The following CALCR variants were observed in gnomAD, a reference collection of about 807,000 sequenced individuals.
The protein encoded by CALCR is calcitonin receptor.
Under a neutral mutation model 59.5 loss-of-function variants are expected in CALCR, and 47 were observed. That is an observed-to-expected ratio of 0.79 (90% CI 0.63 to 1.01). The LOEUF (loss-of-function observed/expected upper bound fraction) is 1.01. Among genes scored for constraint, CALCR ranks in the 50% least tolerant of loss-of-function variants. CALCR has a pLI of 0.00. For missense variants in CALCR, 566 were observed against 597.1 expected, an observed-to-expected ratio of 0.95 and a Z score of 0.54; for synonymous variants, 213 against 211.3, an observed-to-expected ratio of 1.01 and a Z score of -0.07.
intron 8 of CALCR, among the ~76,000 whole-genome samples, chr7:93,453,805 G>A (rs1800155742): frequency 6.6e-6 from 1 of 151,964 alleles, no homozygotes; most frequent in Non-Finnish European, 1.5e-5. Flanking sequence ...AAATCCGTAT[G>A]AGAAAGCATC....
At chr7:93,479,660 C>T (rs1302293569) in intron 3 of CALCR, among the ~76,000 whole-genome samples, 153 bp from the exon 4 acceptor site, 1 of 151,740 alleles carries the variant, frequency 6.6e-6, no homozygotes, top group East Asian at 1.9e-4. Flanking sequence ...ATATATATTA[C>T]AAAAAATGTT....
chr7:93,523,544 T>G (rs1801809097), intron 2 of CALCR, among the ~76,000 whole-genome samples: 1 of 152,166 alleles, frequency 6.6e-6, no homozygotes, highest in Non-Finnish European at 1.5e-5. Context: ...TCTTCTGACT[T>G]TTATTTAGGT....
At chr7:93,461,430 A>C in intron 7 of CALCR, among the ~76,000 whole-genome samples, 1 of 152,110 alleles carries the variant, frequency 6.6e-6, no homozygotes, top group South Asian at 2.1e-4. Context: ...GCATACACAC[A>C]CTTCACGTCT....
At chr7:93,493,241 T>C (rs1225757369) in intron 2 of CALCR, among the ~76,000 whole-genome samples, 2 of 151,358 alleles carry the variant, frequency 1.3e-5, no homozygotes, top group African/African-American at 2.4e-5. Context: ...AAATAAAACA[T>C]GGAATTCTGA....
chr7:93,554,225 A>G (rs1479796862), intron 2 of CALCR, among the ~76,000 whole-genome samples: 1 of 152,178 alleles, frequency 6.6e-6, no homozygotes, highest in Non-Finnish European at 1.5e-5. Context: ...CATCATGAAA[A>G]TTAGTGTATA....
At chr7:93,441,412 T>C in intron 9 of CALCR, 1 of 392,564 alleles carries the variant, frequency 2.5e-6, no homozygotes, top group South Asian at 1.9e-5. Context: ...ATGATCAGAA[T>C]TGCCATTGCA....
At chr7:93,556,742 G>T (rs376151270) in intron 2 of CALCR, among the ~76,000 whole-genome samples, 70 of 151,858 alleles carry the variant, frequency 4.6e-4, no homozygotes, top group African/African-American at 1.6e-3. Flanking sequence ...AGTACATATA[G>T]ATCTGCCTCA....
chr7:93,533,204 A>C (rs1788893613), intron 2 of CALCR, among the ~76,000 whole-genome samples: 1 of 151,976 alleles, frequency 6.6e-6, no homozygotes, highest in African/African-American at 2.4e-5. Context: ...TTAAAGTCAC[A>C]GTTACCAAGA....
intron 6 of CALCR, among the ~76,000 whole-genome samples, chr7:93,470,812 A>T (rs1379026181): frequency 2.0e-5 from 3 of 151,604 alleles, no homozygotes; most frequent in Non-Finnish European, 2.9e-5. Flanking sequence ...TTTAGGGTAC[A>T]TGTGCACAAT....
At position 93,425,056 on chromosome 7, in the gene CALCR, T is replaced by C. The variant is rs556410986; in HGVS notation, c.*1300A>G. ...AGCATACAAATTAAATAATGGTAAC[T>C]CTGATTACTGTTGCAAATTCACAAA... On this transcript the variant is annotated 3_prime_UTR_variant, in exon 14 of 14. Transcript: ENST00000426151. 2.0e-5 allele frequency: 3 copies of C among 152,724 alleles called. No individual in the cohort carries two copies. Among genetic ancestry groups the C allele is most frequent in the African/African-American group, 7.2e-5 (3 of 41,578 alleles). The allele number at this position is 152,724 out of a possible 1,614,324, so 9.5% of individuals were successfully genotyped here.
At chr7:93,550,221 G>T (rs956461451) in intron 2 of CALCR, among the ~76,000 whole-genome samples, 4 of 152,018 alleles carry the variant, frequency 2.6e-5, no homozygotes, top group African/African-American at 7.2e-5. Flanking sequence ...CAGGTGTGGT[G>T]GCTCACGCCT....
At chr7:93,543,446 G>A (rs745391557) in intron 2 of CALCR, among the ~76,000 whole-genome samples, 41 of 152,028 alleles carry the variant, frequency 2.7e-4, no homozygotes, top group Non-Finnish European at 6.0e-4. Context: ...TGCGTGGCCT[G>A]TATATGTTAC....
At chr7:93,440,802 C>G (rs1799885497) in intron 9 of CALCR, among the ~76,000 whole-genome samples, 1 of 151,892 alleles carries the variant, frequency 6.6e-6, no homozygotes, top group Non-Finnish European at 1.5e-5. Flanking sequence ...ACAGCAGATA[C>G]CTAAAATTTA....
At position 93,426,519 on chromosome 7, in the gene CALCR, G is replaced by T. The variant is rs1562922510; in HGVS notation, c.1262C>A (p.Pro421His). The T allele has an allele frequency of 6.2e-7, 1 of 1,613,954 alleles. No homozygotes were observed. Among genetic ancestry groups the T allele is most frequent in the Admixed American group, 1.7e-5 (1 of 60,022 alleles). The change falls in exon 14 of 14, where the codon CCC becomes CAC. Residue 421 changes from proline (P) to histidine (H), a missense_variant. By Grantham distance (77) the Pro-to-His change is moderately conservative. Coordinates refer to ENST00000426151, the MANE Select transcript of CALCR (RefSeq NM_001742.4). The part of the protein sequence containing the change: ...IQWNQRWGRR[P>H]SNRSARAAAA... ...TGCAGCGCGAGCAGAGCGGTTGGAG[G>T]GGCGCCTCCCCCAACGCTGGTTCCA... is the stretch of plus-strand genomic sequence containing the variant.
chr7:93,429,484 T>C (rs10242697), intron 13 of CALCR, among the ~76,000 whole-genome samples: 2,552 of 152,334 alleles, frequency 0.017, 72 homozygotes, highest in African/African-American at 0.058. Flanking sequence ...TATCTATTTA[T>C]GTATTGCCAA....
intron 3 of CALCR, among the ~76,000 whole-genome samples, chr7:93,486,417 A>T (rs1483115531): frequency 3.3e-5 from 5 of 151,602 alleles, no homozygotes. Context: ...TAATAGTGGT[A>T]TATAAAGACT....
intron 2 of CALCR, among the ~76,000 whole-genome samples, chr7:93,499,105 A>G (rs77421373): frequency 6.6e-6 from 1 of 151,676 alleles, no homozygotes; most frequent in Non-Finnish European, 1.5e-5. Flanking sequence ...TTTCACTCCA[A>G]GATAGGCTCT....
chr7:93,505,155 C>T (rs922634019), intron 2 of CALCR, among the ~76,000 whole-genome samples: 1 of 151,048 alleles, frequency 6.6e-6, no homozygotes, highest in Admixed American at 6.6e-5. Flanking sequence ...CTAGATATAG[C>T]TAAGTGGAAA....
intron 11 of CALCR, among the ~76,000 whole-genome samples, chr7:93,437,165 A>G (rs1053183990): frequency 1.4e-4 from 21 of 152,180 alleles, no homozygotes; most frequent in African/African-American, 4.3e-4. Flanking sequence ...ATACACATTT[A>G]TAATTTGGAT....
Sources: gnomAD v4.1 joint callset for allele counts (sites outside exome capture counted in the v4.1 genomes callset) on GRCh38, gnomAD v4.1.1 for gene constraint, MANE v1.5 for transcripts, NCBI Gene and HGNC (gene_info 2026-07-23, HGNC 2026-07-21) for gene names.